The following ABCA6 variants were observed in gnomAD, a reference collection of about 807,000 sequenced individuals.
ABCA6 encodes the protein ATP binding cassette subfamily A member 6.
Under a neutral mutation model 191.2 loss-of-function variants are expected in ABCA6, and 164 were observed. That is an observed-to-expected ratio of 0.86 (90% CI 0.76 to 0.98). The LOEUF (loss-of-function observed/expected upper bound fraction) is 0.98. Ranked by LOEUF, ABCA6 falls within the 50% of genes least tolerant of loss-of-function variation. The pLI, the probability that ABCA6 is intolerant of heterozygous loss-of-function variation, is 0.00. For missense variants in ABCA6, 1,958 were observed against 1,894.1 expected, an observed-to-expected ratio of 1.03 and a Z score of -0.63; for synonymous variants, 636 against 647.7, an observed-to-expected ratio of 0.98 and a Z score of 0.27.
intron 6 of ABCA6, 93 bp downstream of exon 6, chr17:69,133,548 G>C: frequency 9.9e-7 from 1 of 1,010,292 alleles, no homozygotes; most frequent in South Asian, 1.8e-5. Context: ...AATGCATCAA[G>C]TTTAAACCAT....
At position 69,079,048 on chromosome 17, in the gene ABCA6, C is replaced by G. The variant is rs2072561051; in HGVS notation, c.4779G>C (p.Gln1593His). The part of the protein sequence containing the change: ...EKVFLELSKE[Q>H]EVGNFDEEID... The stretch of plus-strand genomic sequence containing the variant: ...TTTCTTCATCAAAATTTCCTACTTC[C>G]TGTTCTTTAGAAAGCTCTAAGAATA... The change falls in exon 39 of 39, where the codon CAG (glutamine) becomes CAC (histidine). Residue 1593 changes from glutamine to histidine, a missense_variant. Gln to His is a conservative substitution (Grantham distance 24). Transcript: ENST00000284425. The G allele has an allele frequency of 6.2e-7, 1 of 1,611,450 alleles. No individual in the cohort carries two copies. The highest frequency in any genetic ancestry group is 8.5e-7 in the Non-Finnish European group (1 of 1,178,340).
chr17:69,085,119 G>A lies in ABCA6; in HGVS notation c.4093C>T (p.Leu1365=). ...TCCCTCAACGTCAGCATGGGCCACA[G>A]CACGTTCTCTTGAGGGCAGTACCCC... The part of the protein sequence containing the change: ...HLGYCPQENV[L]WPMLTLREHL... Residue 1365 remains leucine (L), a synonymous_variant, in exon 32 of 39, where the codon CTG becomes TTG. Transcript: ENST00000284425. 1 of 1,613,278 alleles carries A rather than the reference G, an allele frequency of 6.2e-7. No homozygotes were observed. Among genetic ancestry groups the A allele is most frequent in the Non-Finnish European group, 8.5e-7 (1 of 1,179,624 alleles).
chr17:69,080,258 A>G (rs2072597097), intron 37 of ABCA6, among the ~76,000 whole-genome samples: 1 of 152,184 alleles, frequency 6.6e-6, no homozygotes, highest in Admixed American at 6.6e-5. Context: ...CAACATGGCC[A>G]AGTGGGCACT....
At chr17:69,132,538 T>C (rs2073882397) in intron 6 of ABCA6, among the ~76,000 whole-genome samples, 1 of 152,214 alleles carries the variant, frequency 6.6e-6, no homozygotes, top group Non-Finnish European at 1.5e-5. Flanking sequence ...TGGAGTGCAG[T>C]AGCACGATCT....
chr17:69,085,525 A>AG, intron 31 of ABCA6, 100 bp downstream of exon 31: 1 of 756,110 alleles, frequency 1.3e-6, no homozygotes, highest in Non-Finnish European at 2.0e-6. Context: ...AAGGCAAAAA[A>AG]AAAAAAAAAA....
At chr17:69,132,753 T>C (rs2073886516) in intron 6 of ABCA6, among the ~76,000 whole-genome samples, 1 of 152,210 alleles carries the variant, frequency 6.6e-6, no homozygotes, top group Non-Finnish European at 1.5e-5. Flanking sequence ...GTGCTAAGAT[T>C]ACAGGTGTGA....
chr17:69,112,957 T>C (rs1338736247), intron 15 of ABCA6: 11 of 258,242 alleles, frequency 4.3e-5, no homozygotes, highest in Admixed American at 1.1e-4. Context: ...TAAATATATA[T>C]AAAAAAAGAT....
Position 69,100,790 on chromosome 17 carries a change from T to A in ABCA6, c.3012+7A>T. 3 of 1,604,208 alleles carry A rather than the reference T, an allele frequency of 1.9e-6. No individual in the cohort carries two copies. Among genetic ancestry groups the A allele is most frequent in the Non-Finnish European group, 1.7e-6 (2 of 1,176,288 alleles). On this transcript the variant is annotated splice_region_variant and intron_variant, in intron 22 of 38. Coordinates refer to ENST00000284425, the MANE Select transcript of ABCA6 (RefSeq NM_080284.3). ...AATTGTTTAGACTCAGTAAATCCAATACTTACAAGAGGAAATGGGCTTGAC... is the reference window on the plus strand; with the variant it reads ...AATTGTTTAGACTCAGTAAATCCAAAACTTACAAGAGGAAATGGGCTTGAC...
intron 25 of ABCA6, among the ~76,000 whole-genome samples, chr17:69,092,938 G>A (rs1348344437): frequency 1.3e-5 from 2 of 152,120 alleles, no homozygotes; most frequent in Non-Finnish European, 2.9e-5. Context: ...GTATGCAAAT[G>A]CAAATTTTAG....
chr17:69,097,004 A>G (rs1365208839), intron 23 of ABCA6, among the ~76,000 whole-genome samples: 1 of 152,234 alleles, frequency 6.6e-6, no homozygotes, highest in Non-Finnish European at 1.5e-5. Flanking sequence ...TATCAAAAAT[A>G]AAATGTATAC....
chr17:69,116,036 T>C (rs1320488879), intron 11 of ABCA6: 1 of 152,182 alleles, frequency 6.6e-6, no homozygotes, highest in Non-Finnish European at 1.5e-5. Flanking sequence ...TTTGTATTTT[T>C]AGTAGAGACA....
intron 20 of ABCA6, chr17:69,104,322 ACTTAT>A (rs1379706424): frequency 6.6e-6 from 1 of 152,150 alleles, no homozygotes; most frequent in Non-Finnish European, 1.5e-5. Context: ...GACCTAATTT[ACTTAT>A]CTTATGAGCT....
intron 25 of ABCA6, among the ~76,000 whole-genome samples, 158 bp from the exon 26 acceptor site, chr17:69,091,420 A>C (rs2072919306): frequency 6.6e-6 from 1 of 152,220 alleles, no homozygotes; most frequent in South Asian, 2.1e-4. Flanking sequence ...TAGAGACAAT[A>C]GGGAAGAAGC....
rs368337555 is a variant in ABCA6, at chr17:69,128,752, T to C, written c.986A>G (p.Asn329Ser). 4.3e-6 allele frequency: 7 copies of C among 1,612,098 alleles called. No homozygotes were observed. The highest frequency in any genetic ancestry group is 5.9e-6 in the Non-Finnish European group (7 of 1,178,940). ...GAGGGTAAGGAGAAACACAACCAAA[T>C]TGGTGAGGACAGCTTTCTTTAACAG... Reference protein sequence around the residue: ...SVLLKKAVLTNLVVFLLTLFW... With the variant: ...SVLLKKAVLTSLVVFLLTLFW... Residue 329 changes from asparagine (N) to serine (S), a missense_variant, in exon 8 of 39, where the codon AAT becomes AGT. Physicochemically the swap from Asn to Ser is conservative, Grantham distance 46 (BLOSUM62 1). Coordinates refer to ENST00000284425, the MANE Select transcript of ABCA6 (RefSeq NM_080284.3).
rs1189049628 is a variant in ABCA6 at position 69,084,443 on chromosome 17, T to C, written c.4249A>G (p.Ile1417Val). ...NVPVQKLTAG[I>V]TRKLCFVLSL... ...CACACCGCACGTACCTTTCTCGTGA[T>C]TCCTGCTGTTAATTTCTGCACAGGA... Residue 1417 changes from isoleucine (I) to valine (V), a missense_variant, in exon 33 of 39, where the codon ATC (isoleucine) becomes GTC (valine). Coordinates refer to ENST00000284425, the MANE Select transcript of ABCA6 (RefSeq NM_080284.3). The C allele has an allele frequency of 6.2e-7, 1 of 1,614,208 alleles. No individual in the cohort carries two copies. Among genetic ancestry groups the C allele is most frequent in the Admixed American group, 1.7e-5 (1 of 60,032 alleles).
At chr17:69,131,781 A>G (rs78078634) in intron 6 of ABCA6, among the ~76,000 whole-genome samples, 10,061 of 152,240 alleles carry the variant, frequency 0.066, 468 homozygotes, top group Admixed American at 0.15. Flanking sequence ...CATACATACT[A>G]AGAATCACTT....
chr17:69,102,940 T>G lies in ABCA6; in HGVS notation c.2769A>C (p.Ser923=). ...TESNIEDFIK[S]LKHQNILLEV... ...CCAAAAGTATATTTTGATGCTTCAGTGATTTTATAAAATCTTCAATATTTG... is the reference window on the plus strand; with the variant it reads ...CCAAAAGTATATTTTGATGCTTCAGGGATTTTATAAAATCTTCAATATTTG... The change falls in exon 21 of 39, where the codon TCA becomes TCC. Residue 923 remains serine, a synonymous_variant. Transcript: ENST00000284425. 6.4e-7 allele frequency: 1 copy of G among 1,555,670 alleles called. No individual in the cohort carries two copies.
At chr17:69,100,103 A>G (rs751748649) in intron 22 of ABCA6, among the ~76,000 whole-genome samples, 45 of 152,166 alleles carry the variant, frequency 3.0e-4, no homozygotes, top group Non-Finnish European at 5.9e-4. Context: ...TAGGTGGGTG[A>G]TGAGCATCCC....
chr17:69,089,362 AT>A, intron 27 of ABCA6, 102 bp downstream of exon 27: 1 of 1,107,822 alleles, frequency 9.0e-7, no homozygotes, highest in Non-Finnish European at 1.3e-6. Flanking sequence ...CTAAGATCAT[AT>A]AAAAACACTT....
Sources: allele counts gnomAD v4.1 joint callset (sites outside exome capture counted in the v4.1 genomes callset), GRCh38; gene constraint gnomAD v4.1.1; transcripts MANE v1.5; gene names NCBI Gene and HGNC (gene_info 2026-07-23, HGNC 2026-07-21).